VPS50: variants seen among roughly 807,000 people sequenced by gnomAD.
VPS50 encodes syndetin.
VPS50 carries 70 observed loss-of-function variants against 139.7 expected under a neutral mutation model. The ratio of observed to expected loss-of-function variants is 0.50; its 90% CI spans 0.41 to 0.61. VPS50 has a LOEUF of 0.61. Among genes scored for constraint, VPS50 ranks in the 20% least tolerant of loss-of-function variants. The probability of loss-of-function intolerance (pLI) is 0.00; values close to 1 mark genes in which losing one functional copy is unlikely to be tolerated. For missense variants in VPS50, 921 were observed against 1,133.7 expected, an observed-to-expected ratio of 0.81 and a Z score of 2.69; for synonymous variants, 365 against 376.7, an observed-to-expected ratio of 0.97 and a Z score of 0.36.
chr7:93,342,067 G>A (rs367693740), intron 23 of VPS50, among the ~76,000 whole-genome samples: 1 of 152,152 alleles, frequency 6.6e-6, no homozygotes, highest in African/African-American at 2.4e-5. Flanking sequence ...CTGAGGTACC[G>A]GGTTCATCTC....
chr7:93,347,832 G>C (rs547772873), intron 23 of VPS50, among the ~76,000 whole-genome samples: 1 of 115,628 alleles, frequency 8.6e-6, no homozygotes. Flanking sequence ...GTTGTGGGGT[G>C]GGGGGAGGGG....
chr7:93,330,361 C>T (rs779970416), intron 21 of VPS50, among the ~76,000 whole-genome samples: 5 of 152,066 alleles, frequency 3.3e-5, no homozygotes, highest in Admixed American at 6.5e-5. Flanking sequence ...CTCAACTAAT[C>T]ATTACATTAG....
chr7:93,350,687 G>GA (rs200940424), intron 25 of VPS50, among the ~76,000 whole-genome samples: 10 of 150,060 alleles, frequency 6.7e-5, no homozygotes, highest in Non-Finnish European at 1.0e-4. Flanking sequence ...ATAATGCTGT[G>GA]AAAAAAAAAG....
chr7:93,266,155 G>A (rs1795838656), intron 9 of VPS50, among the ~76,000 whole-genome samples: 1 of 152,164 alleles, frequency 6.6e-6, no homozygotes. Context: ...GGGCCATGGA[G>A]ATACAGTATA....
At chr7:93,288,927 CTG>C (rs2116930454) in intron 12 of VPS50, among the ~76,000 whole-genome samples, 1 of 152,182 alleles carries the variant, frequency 6.6e-6, no homozygotes, top group East Asian at 1.9e-4. Flanking sequence ...CTCACAGAGA[CTG>C]GGGGACAGGG....
At chr7:93,236,960 T>C (rs1235049573) in intron 1 of VPS50, among the ~76,000 whole-genome samples, 4 of 128,894 alleles carry the variant, frequency 3.1e-5, no homozygotes, top group Admixed American at 2.3e-4. Context: ...TTTTTTTTTT[T>C]TTTTTTTTTC....
Position 93,311,162 on chromosome 7 carries a change from C to G in VPS50, c.1749-4C>G. The G allele has an allele frequency of 1.8e-6, 2 of 1,093,202 alleles. No homozygotes were observed. Among genetic ancestry groups the G allele is most frequent in the Non-Finnish European group, 2.8e-6 (2 of 704,642 alleles). The allele number at this position is 1,093,202 out of a possible 1,614,324, so 67.7% of individuals were successfully genotyped here. ...GCAACTCTGTTTTGTTTTTCCATAT[C>G]AAGTGTTTCTCGGGAAACTCTAAAA... is the stretch of plus-strand genomic sequence containing the variant. On this transcript the variant is annotated splice_polypyrimidine_tract_variant and splice_region_variant and intron_variant, in intron 19 of 27. Coordinates refer to ENST00000305866, the MANE Select transcript of VPS50 (RefSeq NM_017667.4).
At chr7:93,267,700 G>A (rs993426537) in intron 9 of VPS50, among the ~76,000 whole-genome samples, 1 of 152,080 alleles carries the variant, frequency 6.6e-6, no homozygotes, top group African/African-American at 2.4e-5. Flanking sequence ...TATGGTATTC[G>A]AATTAAGCCT....
intron 2 of VPS50, among the ~76,000 whole-genome samples, chr7:93,252,305 A>G (rs903003529): frequency 6.6e-6 from 1 of 152,194 alleles, no homozygotes; most frequent in Non-Finnish European, 1.5e-5. Flanking sequence ...TTAGAATATT[A>G]TTAAATAGTA....
At chr7:93,259,439 G>A (rs1795597949) in intron 8 of VPS50, 111 bp from the exon 9 acceptor site, 1 of 562,678 alleles carries the variant, frequency 1.8e-6, no homozygotes, top group South Asian at 2.8e-5. Context: ...AGGAATTAAA[G>A]TTTTTTGATT....
rs187421444 is a variant in VPS50 at position 93,276,700 on chromosome 7, C to T, written c.942+395C>T. ...ATGCTGCCTTTGTCAGCATCTGTAA[C>T]TGGTTTTTTCTTTTTCTTTTTAAAG... On this transcript the variant is annotated intron_variant, in intron 12 of 27. Transcript: ENST00000305866. 2.0e-5 allele frequency among the ~76,000 whole-genome samples: 3 copies of T among 152,250 alleles called. No individual in the cohort carries two copies. The East Asian group carries it at 5.8e-4, about 29-fold the overall frequency.
At chr7:93,344,707 T>G (rs1349098095) in intron 23 of VPS50, among the ~76,000 whole-genome samples, 1 of 150,662 alleles carries the variant, frequency 6.6e-6, no homozygotes, top group Non-Finnish European at 1.5e-5. Context: ...ACATGGAAAC[T>G]GAACCTGCTC....
At chr7:93,265,767 A>G (rs963933848) in intron 9 of VPS50, among the ~76,000 whole-genome samples, 7 of 152,056 alleles carry the variant, frequency 4.6e-5, no homozygotes, top group African/African-American at 1.4e-4. Flanking sequence ...GGGTTTCATC[A>G]TGTTAGCCAG....
intron 2 of VPS50, among the ~76,000 whole-genome samples, chr7:93,249,421 A>G (rs923944141): frequency 1.3e-5 from 2 of 152,106 alleles, no homozygotes; most frequent in Non-Finnish European, 2.9e-5. Context: ...TTGCAGCTAA[A>G]AATCCAAGTA....
chr7:93,330,322 TAGAG>T (rs1411536263), intron 21 of VPS50, among the ~76,000 whole-genome samples: 1 of 151,910 alleles, frequency 6.6e-6, no homozygotes, highest in African/African-American at 2.4e-5. Flanking sequence ...GGAGGGAAAA[TAGAG>T]AGAAAATATA....
chr7:93,341,489 A>T lies in VPS50; in HGVS notation c.2121A>T (p.Pro707=). Residue 707 remains proline (P), a synonymous_variant, in exon 23 of 28, where the codon CCA becomes CCT. Transcript: ENST00000305866. Reference sequence around the variant, plus strand: ...CAGAAGAAAGAAAGGAGAAGGTGCCAAGTCCACACCTCAGTCACCTAGTGG... The same window carrying T: ...CAGAAGAAAGAAAGGAGAAGGTGCCTAGTCCACACCTCAGTCACCTAGTGG... ...TAAEERKEKV[P]SPHLSHLVVL... is the part of the protein sequence containing the mutation. The T allele has an allele frequency of 6.2e-7, 1 of 1,612,184 alleles. No homozygotes were observed. Among genetic ancestry groups the T allele is most frequent in the Non-Finnish European group, 8.5e-7 (1 of 1,178,498 alleles).
intron 12 of VPS50, among the ~76,000 whole-genome samples, chr7:93,286,584 G>C (rs1017205605): frequency 3.9e-5 from 6 of 151,976 alleles, no homozygotes; most frequent in Non-Finnish European, 7.4e-5. Flanking sequence ...TCTTAATTTA[G>C]GTCTCTTTCC....
At chr7:93,233,652 C>T (rs1794707435) in intron 1 of VPS50, among the ~76,000 whole-genome samples, 1 of 152,168 alleles carries the variant, frequency 6.6e-6, no homozygotes. Flanking sequence ...AAGTAAGTGG[C>T]TAGTAACATT....
chr7:93,248,506 C>T (rs1455000515), intron 2 of VPS50, among the ~76,000 whole-genome samples: 3 of 152,010 alleles, frequency 2.0e-5, no homozygotes, highest in East Asian at 1.9e-4. Flanking sequence ...CAGTTCACAT[C>T]GTTATCTCTA....
Sources: allele counts gnomAD v4.1 joint callset (sites outside exome capture counted in the v4.1 genomes callset), GRCh38; gene constraint gnomAD v4.1.1; transcripts MANE v1.5; gene names NCBI Gene and HGNC (gene_info 2026-07-23, HGNC 2026-07-21).